DYNC1I1: variants seen among roughly 807,000 people sequenced by gnomAD.
The protein encoded by DYNC1I1 is dynein cytoplasmic 1 intermediate chain 1.
In DYNC1I1, 43 loss-of-function variants were observed where a neutral mutation model predicts 86.6. That is an observed-to-expected ratio of 0.50 (90% confidence interval 0.39 to 0.64). The LOEUF (loss-of-function observed/expected upper bound fraction) is 0.64. DYNC1I1 is among the 30% of genes least tolerant of loss of function. The pLI is 0.00. For synonymous variants in DYNC1I1, 262 were observed against 283.7 expected, an observed-to-expected ratio of 0.92 and a Z score of 0.77; for missense variants, 604 against 788.8, an observed-to-expected ratio of 0.77 and a Z score of 2.81.
chr7:95,964,320 A>T (rs1486931124), intron 6 of DYNC1I1, among the ~76,000 whole-genome samples: 1 of 152,184 alleles, frequency 6.6e-6, no homozygotes, highest in Non-Finnish European at 1.5e-5. Flanking sequence ...AAAGAACCAG[A>T]TCTGTGTGGT....
intron 5 of DYNC1I1, among the ~76,000 whole-genome samples, chr7:95,843,628 G>A (rs1323842205): frequency 6.6e-6 from 1 of 152,066 alleles, no homozygotes; most frequent in African/African-American, 2.4e-5. Context: ...ACTTGATTCT[G>A]GTTTGTATGT....
At chr7:96,035,980 G>T (rs1794918774) in intron 13 of DYNC1I1, among the ~76,000 whole-genome samples, 1 of 152,134 alleles carries the variant, frequency 6.6e-6, no homozygotes. Context: ...GAGCTTCTGA[G>T]CCTATCATAA....
At chr7:95,904,498 C>A (rs1184772343) in intron 6 of DYNC1I1, among the ~76,000 whole-genome samples, 1 of 152,128 alleles carries the variant, frequency 6.6e-6, no homozygotes, top group East Asian at 1.9e-4. Flanking sequence ...GATGAAGAGA[C>A]ACATTTTCAG....
chr7:95,998,276 T>C (rs1467281349), intron 10 of DYNC1I1, among the ~76,000 whole-genome samples: 1 of 152,240 alleles, frequency 6.6e-6, no homozygotes, highest in South Asian at 2.1e-4. Context: ...TGCCATCACC[T>C]AGGCTGCATT....
At chr7:96,056,868 G>C (rs1466347897) in intron 14 of DYNC1I1, among the ~76,000 whole-genome samples, 2 of 152,076 alleles carry the variant, frequency 1.3e-5, no homozygotes, top group Non-Finnish European at 2.9e-5. Context: ...GTTTATCAGA[G>C]TGACCTAAAT....
chr7:95,938,047 C>T (rs1184086415), intron 6 of DYNC1I1, among the ~76,000 whole-genome samples: 1 of 152,082 alleles, frequency 6.6e-6, no homozygotes, highest in African/African-American at 2.4e-5. Context: ...CTTTTGGTGC[C>T]TGAGGCTTTC....
intron 10 of DYNC1I1, among the ~76,000 whole-genome samples, chr7:96,017,289 A>G (rs1451538641): frequency 6.6e-6 from 1 of 152,126 alleles, no homozygotes; most frequent in Non-Finnish European, 1.5e-5. Flanking sequence ...ATTCATCTTC[A>G]TCTCTTCCTG....
chr7:95,978,050 C>G (rs1461557253), intron 7 of DYNC1I1, among the ~76,000 whole-genome samples: 1 of 152,156 alleles, frequency 6.6e-6, no homozygotes, highest in East Asian at 1.9e-4. Context: ...TTCTGCAACT[C>G]TGCCTGTATA....
Position 95,828,042 on chromosome 7 carries a change from G to A in DYNC1I1, c.315-15G>A. 2 of 1,613,374 alleles carry A rather than the reference G, an allele frequency of 1.2e-6. No homozygotes were observed. Among genetic ancestry groups the A allele is most frequent in the Non-Finnish European group, 1.7e-6 (2 of 1,179,528 alleles). ...TAATTCTCTGTGTTCTTTTTCCTTT[G>A]TGCTGCACAATTAGGACCCTGCAGT... On this transcript the variant is annotated splice_polypyrimidine_tract_variant and intron_variant, in intron 4 of 16. Transcript: ENST00000447467.
At chr7:96,034,314 T>C (rs1339254035) in intron 12 of DYNC1I1, among the ~76,000 whole-genome samples, 1 of 152,190 alleles carries the variant, frequency 6.6e-6, no homozygotes, top group Non-Finnish European at 1.5e-5. Context: ...CTGAAGATTA[T>C]AAACAGACAT....
At chr7:95,799,505 G>A (rs1050240464) in intron 1 of DYNC1I1, among the ~76,000 whole-genome samples, 2 of 152,124 alleles carry the variant, frequency 1.3e-5, no homozygotes, top group Non-Finnish European at 2.9e-5. Context: ...CCATCCTCTG[G>A]GGGAAGTGGG....
chr7:96,024,493 A>G (rs894085973), intron 10 of DYNC1I1, among the ~76,000 whole-genome samples: 4 of 152,212 alleles, frequency 2.6e-5, no homozygotes, highest in Non-Finnish European at 4.4e-5. Context: ...AATTAAGACT[A>G]TAAAAATATC....
At chr7:95,812,900 A>T (rs1421727807) in intron 3 of DYNC1I1, among the ~76,000 whole-genome samples, 1 of 152,172 alleles carries the variant, frequency 6.6e-6, no homozygotes, top group African/African-American at 2.4e-5. Flanking sequence ...TAATGTGAAG[A>T]ATCAGAATTA....
intron 6 of DYNC1I1, among the ~76,000 whole-genome samples, chr7:95,973,219 T>C (rs1000017572): frequency 2.0e-5 from 3 of 152,338 alleles, no homozygotes; most frequent in Non-Finnish European, 4.4e-5. Flanking sequence ...TAATTCCAAC[T>C]GCACCAGAAA....
At chr7:95,920,502 T>C (rs543441510) in intron 6 of DYNC1I1, among the ~76,000 whole-genome samples, 137 of 152,302 alleles carry the variant, frequency 9.0e-4, no homozygotes, top group Non-Finnish European at 1.4e-3. Context: ...AGAGTGTCCG[T>C]ATTGGTTGAG....
At chr7:95,813,389 A>C (rs775323303) in intron 4 of DYNC1I1, 52 bp downstream of exon 4, 64 of 1,567,420 alleles carry the variant, frequency 4.1e-5, no homozygotes, top group Non-Finnish European at 5.2e-5. Context: ...AAAAAAAAAA[A>C]AAAACAGCAA....
chr7:96,076,774 A>T (rs1037137089), intron 15 of DYNC1I1, among the ~76,000 whole-genome samples: 1 of 152,244 alleles, frequency 6.6e-6, no homozygotes, highest in African/African-American at 2.4e-5. Flanking sequence ...AAACATGAAT[A>T]TCAAACTCAG....
intron 6 of DYNC1I1, among the ~76,000 whole-genome samples, chr7:95,881,872 C>G (rs1053707950): frequency 2.0e-5 from 3 of 152,082 alleles, no homozygotes; most frequent in Admixed American, 6.5e-5. Context: ...ATATTAGTTC[C>G]AAGGTAAGAA....
chr7:96,106,339 A>G (rs1791213293), intron 16 of DYNC1I1, among the ~76,000 whole-genome samples: 1 of 151,922 alleles, frequency 6.6e-6, no homozygotes, highest in South Asian at 2.1e-4. Flanking sequence ...TTTGAGAGCA[A>G]CCTGACCAAC....
Sources: allele counts gnomAD v4.1 joint callset (sites outside exome capture counted in the v4.1 genomes callset), GRCh38; gene constraint gnomAD v4.1.1; transcripts MANE v1.5; gene names NCBI Gene and HGNC (gene_info 2026-07-23, HGNC 2026-07-21).